The following CATSPERT variants were observed in gnomAD, a reference collection of about 807,000 sequenced individuals.
CATSPERT encodes cation channel sperm-associated targeting subunit tau.
chr2:201,572,786 C>T, the CATSPERT span, among the ~76,000 whole-genome samples: 7 of 152,002 alleles, frequency 4.6e-5, no homozygotes, highest in Admixed American at 2.6e-4. Flanking sequence ...AAAGCTTGTT[C>T]CTTGTGGCTT....
At chr2:201,520,370 C>T in the CATSPERT span, among the ~76,000 whole-genome samples, 1 of 152,306 alleles carries the variant, frequency 6.6e-6, no homozygotes, top group East Asian at 1.9e-4. Context: ...AAAATACATT[C>T]TTTTCTTCAG....
At chr2:201,531,701 C>T in the CATSPERT span, among the ~76,000 whole-genome samples, 1 of 152,018 alleles carries the variant, frequency 6.6e-6, no homozygotes, top group African/African-American at 2.4e-5. Flanking sequence ...ACTCCCCTGA[C>T]AGAGAAGAAT....
the CATSPERT span, among the ~76,000 whole-genome samples, chr2:201,616,959 T>C: frequency 4.6e-5 from 7 of 152,150 alleles, no homozygotes; most frequent in African/African-American, 1.4e-4. Flanking sequence ...CCATTCACAA[T>C]TGCTTCAAAG....
chr2:201,604,717 A>G, the CATSPERT span: 1 of 1,531,384 alleles, frequency 6.5e-7, no homozygotes, highest in South Asian at 1.2e-5. Flanking sequence ...AAATAAATTA[A>G]GATTTGGGAA....
At chr2:201,572,982 A>C in the CATSPERT span, among the ~76,000 whole-genome samples, 1 of 152,212 alleles carries the variant, frequency 6.6e-6, no homozygotes, top group South Asian at 2.1e-4. Context: ...GGAAAAACTG[A>C]AAGTGAAAAA....
At chr2:201,495,398 G>C in the CATSPERT span, among the ~76,000 whole-genome samples, 5 of 152,042 alleles carry the variant, frequency 3.3e-5, no homozygotes, top group Non-Finnish European at 7.4e-5. Context: ...GAAAACTCAG[G>C]ATTACAGTAA....
At chr2:201,493,292 G>T in the CATSPERT span, 4 of 1,536,496 alleles carry the variant, frequency 2.6e-6, no homozygotes, top group South Asian at 4.8e-5. Context: ...CTTGAATCTT[G>T]TGGGAACATA....
At chr2:201,548,552 C>T in the CATSPERT span, among the ~76,000 whole-genome samples, 2 of 151,884 alleles carry the variant, frequency 1.3e-5, no homozygotes, top group African/African-American at 4.8e-5. Context: ...AATACATATA[C>T]AATATCTTCC....
At chr2:201,552,630 A>G in the CATSPERT span, among the ~76,000 whole-genome samples, 1 of 152,224 alleles carries the variant, frequency 6.6e-6, no homozygotes, top group East Asian at 1.9e-4. Context: ...GGCTATTAGT[A>G]GTTAAGTTGT....
At chr2:201,543,853 T>A in the CATSPERT span, among the ~76,000 whole-genome samples, 2 of 152,122 alleles carry the variant, frequency 1.3e-5, no homozygotes, top group Non-Finnish European at 2.9e-5. Context: ...ATACTTTAAC[T>A]TGCTTTCTTT....
At chr2:201,541,531 TTATATATATATATATA>T in the CATSPERT span, among the ~76,000 whole-genome samples, 1,206 of 92,680 alleles carry the variant, frequency 0.013, 28 homozygotes, top group African/African-American at 0.034. Context: ...TCAGATGATT[TTATATATATATATATA>T]TATATATATA....
chr2:201,600,991 C>G, the CATSPERT span, among the ~76,000 whole-genome samples: 1 of 152,162 alleles, frequency 6.6e-6, no homozygotes, highest in Non-Finnish European at 1.5e-5. Context: ...ATCAAGTAAT[C>G]TGCCCACTTC....
chr2:201,534,508 G>A, the CATSPERT span: 3 of 982,494 alleles, frequency 3.1e-6, no homozygotes, highest in Non-Finnish European at 3.6e-6. Context: ...AAAATAAAAA[G>A]AGCTCATTAT....
At chr2:201,585,871 T>G in the CATSPERT span, among the ~76,000 whole-genome samples, 4 of 152,322 alleles carry the variant, frequency 2.6e-5, no homozygotes, top group Non-Finnish European at 1.5e-5. Flanking sequence ...CAACATGGTT[T>G]GAGCTGCATG....
At chr2:201,494,860 A>G in the CATSPERT span, 3 of 1,178,474 alleles carry the variant, frequency 2.5e-6, no homozygotes, top group East Asian at 2.6e-5. Context: ...CAATGTATCT[A>G]TTCAGTCTCC....
the CATSPERT span, chr2:201,491,417 T>C: frequency 6.5e-7 from 1 of 1,537,258 alleles, no homozygotes; most frequent in East Asian, 2.4e-5. Flanking sequence ...AATGACTGTA[T>C]TTCAGGGAAC....
At chr2:201,530,928 T>C in the CATSPERT span, among the ~76,000 whole-genome samples, 1 of 151,544 alleles carries the variant, frequency 6.6e-6, no homozygotes, top group South Asian at 2.1e-4. Flanking sequence ...CTCAAGACAC[T>C]GCAGTGTTTT....
At chr2:201,520,765 T>C in the CATSPERT span, among the ~76,000 whole-genome samples, 61 of 151,886 alleles carry the variant, frequency 4.0e-4, no homozygotes, top group Non-Finnish European at 4.1e-4. Context: ...GGAGCATGCC[T>C]GTAATCCAAG....
chr2:201,517,265 T>C, the CATSPERT span, among the ~76,000 whole-genome samples: 1 of 152,106 alleles, frequency 6.6e-6, no homozygotes, highest in Non-Finnish European at 1.5e-5. Flanking sequence ...CAACCCAGCC[T>C]CTGAACAGTC....
Sources: allele counts gnomAD v4.1 joint callset (sites outside exome capture counted in the v4.1 genomes callset), GRCh38; gene constraint gnomAD v4.1.1; transcripts MANE v1.5; gene names NCBI Gene and HGNC (gene_info 2026-07-23, HGNC 2026-07-21).